NAALADL2: variants seen among roughly 807,000 people sequenced by gnomAD.
The protein encoded by NAALADL2 is N-acetylated alpha-linked acidic dipeptidase like 2.
Under a neutral mutation model 87.2 loss-of-function variants are expected in NAALADL2, and 76 were observed. The observed-to-expected ratio is 0.87, with a 90% confidence interval of 0.72 to 1.05. The LOEUF (loss-of-function observed/expected upper bound fraction) is 1.05, where lower values mean the gene tolerates loss of function less well. NAALADL2 is among the 50% of genes least tolerant of loss of function. NAALADL2 has a pLI of 0.00. For synonymous variants in NAALADL2, 354 were observed against 331.0 expected, an observed-to-expected ratio of 1.07 and a Z score of -0.75; for missense variants, 1,089 against 945.8, an observed-to-expected ratio of 1.15 and a Z score of -1.99.
chr3:175,057,125 A>G (rs1712372133), intron 1 of NAALADL2, among the ~76,000 whole-genome samples: 1 of 152,208 alleles, frequency 6.6e-6, no homozygotes, highest in South Asian at 2.1e-4. Context: ...TCTTGGCAAG[A>G]TGTTACTCAT....
rs1347027898 is a variant in NAALADL2 at position 175,037,938 on chromosome 3, AG to A, written c.44-58850del. Among the ~76,000 whole-genome samples the A allele has an allele frequency of 2.6e-5, 4 of 152,256 alleles. No individual in the cohort carries two copies. In the East Asian group the frequency reaches 7.7e-4, roughly 29 times the overall value. ...TCTGCTGCCTGGAAGGGAAAACCAA[AG>A]GAAGGGAGCGTGGATTTAAAAAGCC... On this transcript the variant is annotated intron_variant, in intron 1 of 13. Coordinates refer to ENST00000454872, the MANE Select transcript of NAALADL2 (RefSeq NM_207015.3).
At chr3:174,694,442 T>C (rs1302872449) in intron 2 of NAALADL2, among the ~76,000 whole-genome samples, 1 of 152,022 alleles carries the variant, frequency 6.6e-6, no homozygotes, top group Non-Finnish European at 1.5e-5. Context: ...AGTAAACTCT[T>C]TGAGAGAAGA....
chr3:175,041,102 A>C (rs1053057250), intron 1 of NAALADL2, among the ~76,000 whole-genome samples: 12 of 152,142 alleles, frequency 7.9e-5, no homozygotes, highest in Non-Finnish European at 2.9e-5. Context: ...CATATCGTGG[A>C]TATAGCACTT....
intron 3 of NAALADL2, chr3:175,235,364 A>G (rs1560206490): frequency 6.6e-6 from 1 of 152,228 alleles, no homozygotes; most frequent in Admixed American, 6.5e-5. Flanking sequence ...AAAGAGCTGC[A>G]TATAACTATT....
chr3:175,499,985 G>A (rs377190039), intron 9 of NAALADL2, among the ~76,000 whole-genome samples: 28 of 152,046 alleles, frequency 1.8e-4, no homozygotes, highest in African/African-American at 4.6e-4. Flanking sequence ...CAAGTAGAGC[G>A]TCAATATTGA....
In NAALADL2 at chr3:175,588,602, G is replaced by A. The variant is rs185596844; in HGVS notation, c.1800+12415G>A. Among the ~76,000 whole-genome samples, 223 of 131,548 alleles carry A rather than the reference G, an allele frequency of 1.7e-3. 1 individual carries two copies. The highest frequency in any genetic ancestry group is 5.9e-3 in the African/African-American group (205 of 34,852). 86.3% of individuals were successfully genotyped at this position (131,548 alleles called of 152,430 possible). On this transcript the variant is annotated intron_variant, in intron 10 of 13. Coordinates refer to ENST00000454872, the MANE Select transcript of NAALADL2 (RefSeq NM_207015.3). ...CGCCGAGGCTGGAGTGCAGTGGCAC[G>A]ATCTCGGCTCACTGCAAGCTCCGCC...
chr3:175,367,601 A>G (rs148640058), intron 5 of NAALADL2, among the ~76,000 whole-genome samples: 4,503 of 152,118 alleles, frequency 0.03, 100 homozygotes, highest in Non-Finnish European at 0.044. Context: ...ATTCCTAAGT[A>G]TTTTATTCTC....
chr3:174,689,793 G>C (rs568850753), intron 2 of NAALADL2, among the ~76,000 whole-genome samples: 1 of 152,068 alleles, frequency 6.6e-6, no homozygotes, highest in African/African-American at 2.4e-5. Context: ...GTATTTTGAA[G>C]TCAGGAAAAT....
chr3:175,082,119 G>C (rs1285083745), intron 1 of NAALADL2, among the ~76,000 whole-genome samples: 1 of 151,998 alleles, frequency 6.6e-6, no homozygotes, highest in Non-Finnish European at 1.5e-5. Context: ...TCAATTTCTG[G>C]CCTAAAGTCA....
At chr3:174,841,418 C>G (rs1389538081) in intron 3 of NAALADL2, among the ~76,000 whole-genome samples, 1 of 152,212 alleles carries the variant, frequency 6.6e-6, no homozygotes, top group African/African-American at 2.4e-5. Context: ...AAGCTGTTAT[C>G]CCATGAACAG....
chr3:175,570,289 A>G (rs1717855491), intron 9 of NAALADL2, among the ~76,000 whole-genome samples: 1 of 152,130 alleles, frequency 6.6e-6, no homozygotes, highest in South Asian at 2.1e-4. Flanking sequence ...GTCCACATTG[A>G]GTAGGGCAAT....
At chr3:174,467,389 T>G (rs1218374434) in intron 1 of NAALADL2, among the ~76,000 whole-genome samples, 1 of 151,916 alleles carries the variant, frequency 6.6e-6, no homozygotes, top group African/African-American at 2.4e-5. Flanking sequence ...GATCAGGAAT[T>G]TGAGACCAGC....
chr3:175,355,902 C>T (rs1764305332), intron 5 of NAALADL2, among the ~76,000 whole-genome samples: 1 of 152,048 alleles, frequency 6.6e-6, no homozygotes, highest in African/African-American at 2.4e-5. Flanking sequence ...TTGAACAAGA[C>T]CTTGACAAAT....
intron 2 of NAALADL2, among the ~76,000 whole-genome samples, chr3:175,166,448 G>C (rs1455232468): frequency 2.0e-5 from 3 of 151,942 alleles, no homozygotes; most frequent in African/African-American, 7.3e-5. Flanking sequence ...CTTTCTATTA[G>C]AATATCTAAT....
chr3:175,464,660 G>A (rs993366714), intron 7 of NAALADL2, among the ~76,000 whole-genome samples: 2 of 151,952 alleles, frequency 1.3e-5, no homozygotes, highest in African/African-American at 4.8e-5. Flanking sequence ...AGTAAAATTG[G>A]CCTAGTTGCT....
chr3:174,920,092 A>G (rs142391218), intron 1 of NAALADL2, among the ~76,000 whole-genome samples: 41 of 152,268 alleles, frequency 2.7e-4, no homozygotes, highest in Non-Finnish European at 5.3e-4. Context: ...GTACATATAG[A>G]CTCAATTTGC....
chr3:175,608,419 C>T lies in NAALADL2; in HGVS notation c.1801-18872C>T, dbSNP rs114318451. Among the ~76,000 whole-genome samples the T allele has an allele frequency of 2.0e-3, 296 of 151,788 alleles. 3 individuals are homozygous for T. The South Asian group carries it at 0.02, about 10-fold the overall frequency. On this transcript the variant is annotated intron_variant, in intron 10 of 13. Transcript: ENST00000454872. ...ATTTATTATAAGCAGTTTATCTGCACAATATGTTCCGTGTCCAGCGCTTTA... is the reference window on the plus strand; with the variant it reads ...ATTTATTATAAGCAGTTTATCTGCATAATATGTTCCGTGTCCAGCGCTTTA...
intron 2 of NAALADL2, among the ~76,000 whole-genome samples, chr3:174,696,871 AT>A (rs1324727484): frequency 6.6e-6 from 1 of 152,088 alleles, no homozygotes; most frequent in Non-Finnish European, 1.5e-5. Context: ...ATTTTTGAGC[AT>A]TATAAAAATA....
chr3:175,493,390 A>G (rs976613836), intron 9 of NAALADL2, among the ~76,000 whole-genome samples: 1 of 152,164 alleles, frequency 6.6e-6, no homozygotes, highest in Non-Finnish European at 1.5e-5. Flanking sequence ...GGGATCATCC[A>G]ATGCTATAAA....
Sources: gnomAD v4.1 joint callset for allele counts (sites outside exome capture counted in the v4.1 genomes callset) on GRCh38, gnomAD v4.1.1 for gene constraint, MANE v1.5 for transcripts, NCBI Gene and HGNC (gene_info 2026-07-23, HGNC 2026-07-21) for gene names.